SLC30A6: variants seen among roughly 807,000 people sequenced by gnomAD.
SLC30A6 encodes the protein zinc transporter 6.
A neutral mutation model predicts 63.0 loss-of-function variants in SLC30A6; 55 were observed. The observed-to-expected ratio is 0.87, with a 90% confidence interval of 0.70 to 1.09. The LOEUF is 1.09. SLC30A6 is among the 50% of genes least tolerant of loss of function. The pLI is 0.00. For missense variants in SLC30A6, 587 were observed against 549.2 expected, an observed-to-expected ratio of 1.07 and a Z score of -0.69; for synonymous variants, 224 against 186.1, an observed-to-expected ratio of 1.20 and a Z score of -1.66.
At chr2:32,199,345 T>G (rs993064017) in intron 10 of SLC30A6, among the ~76,000 whole-genome samples, 2 of 152,244 alleles carry the variant, frequency 1.3e-5, no homozygotes, top group Non-Finnish European at 2.9e-5. Flanking sequence ...TCAGTTCGTG[T>G]GGGTATATAC....
chr2:32,220,366 G>C lies in SLC30A6; in HGVS notation c.1039G>C (p.Ala347Pro), dbSNP rs779865499. The C allele has an allele frequency of 6.2e-7, 1 of 1,614,166 alleles. No individual in the cohort carries two copies. Among genetic ancestry groups the C allele is most frequent in the Non-Finnish European group, 8.5e-7 (1 of 1,180,022 alleles). Residue 347 changes from alanine to proline, a missense_variant, in exon 14 of 14, where the codon GCA (alanine) becomes CCA (proline). By Grantham distance (27) the Ala-to-Pro change is conservative. Coordinates refer to ENST00000282587, the MANE Select transcript of SLC30A6 (RefSeq NM_017964.5). ...IRPALLSGPV[A>P]ANVLNFSDHH... ...GCCTGCCTTATTGTCTGGGCCTGTT[G>C]CAGCCAATGTCCTAAACTTTTCAGA... is the stretch of plus-strand genomic sequence containing the variant.
chr2:32,188,850 G>A (rs1220025002), intron 5 of SLC30A6, among the ~76,000 whole-genome samples: 1 of 152,100 alleles, frequency 6.6e-6, no homozygotes, highest in Non-Finnish European at 1.5e-5. Flanking sequence ...TGTCCATTCA[G>A]ACCCTACCAG....
In SLC30A6 at chr2:32,224,238, C is replaced by G; in HGVS notation, c.*3525C>G. 2.3e-6 allele frequency: 1 copy of G among 433,684 alleles called. No individual in the cohort carries two copies. The highest frequency in any genetic ancestry group is 4.1e-6 in the Non-Finnish European group (1 of 245,114). The allele number at this position is 433,684 out of a possible 1,614,324, so 26.9% of individuals were successfully genotyped here. Reference sequence around the variant, plus strand: ...ACTAAGTTAATATGCATTCAGTATACCAGTTGGTGTGACCCAGACCAAAGG... The same window carrying G: ...ACTAAGTTAATATGCATTCAGTATAGCAGTTGGTGTGACCCAGACCAAAGG... On this transcript the variant is annotated 3_prime_UTR_variant, in exon 14 of 14. Coordinates refer to ENST00000282587, the MANE Select transcript of SLC30A6 (RefSeq NM_017964.5).
At chr2:32,186,518 T>C (rs1037717008) in intron 5 of SLC30A6, among the ~76,000 whole-genome samples, 3 of 152,024 alleles carry the variant, frequency 2.0e-5, no homozygotes, top group African/African-American at 7.2e-5. Flanking sequence ...AAACCCCATC[T>C]CTACTAAAAA....
chr2:32,183,043 C>T (rs537418492), intron 4 of SLC30A6, among the ~76,000 whole-genome samples: 30 of 151,752 alleles, frequency 2.0e-4, no homozygotes, highest in African/African-American at 6.1e-4. Flanking sequence ...AAAAATTAGC[C>T]GGGCATGGTG....
chr2:32,190,509 T>G (rs1683233594), intron 5 of SLC30A6, among the ~76,000 whole-genome samples: 1 of 152,084 alleles, frequency 6.6e-6, no homozygotes. Flanking sequence ...GGGTTGGTCC[T>G]TTTGTGTACT....
chr2:32,217,913 G>A (rs1685844447), intron 13 of SLC30A6, among the ~76,000 whole-genome samples: 1 of 151,504 alleles, frequency 6.6e-6, no homozygotes, highest in African/African-American at 2.4e-5. Flanking sequence ...TGCAGCCACT[G>A]CAGCCTCGAC....
chr2:32,178,189 C>T (rs182672495), intron 4 of SLC30A6, among the ~76,000 whole-genome samples: 95 of 151,832 alleles, frequency 6.3e-4, no homozygotes, highest in Middle Eastern at 3.4e-3. Flanking sequence ...CCTTGTGATC[C>T]GCCCGCCTCG....
At position 32,202,533 on chromosome 2, in the gene SLC30A6, G is replaced by A. The variant is rs550619306; in HGVS notation, c.666-2057G>A. 1.6e-4 allele frequency: 50 copies of A among 317,430 alleles called. No homozygotes were observed. In the Middle Eastern group the frequency reaches 2.6e-3, roughly 16 times the overall value. The allele number at this position is 317,430 out of a possible 1,614,324, so 19.7% of individuals were successfully genotyped here. A position where few individuals can be genotyped will look rare whatever the true frequency, so the allele number is the denominator to read the frequency against. On this transcript the variant is annotated intron_variant, in intron 10 of 13. Transcript: ENST00000282587. ...TTTTTAGTAGAGACGGGATTTCACC[G>A]TGTTAGCCAGGATGGTCTCAATCTC... is the stretch of plus-strand genomic sequence containing the variant.
At chr2:32,216,327 G>A (rs1257756556) in intron 13 of SLC30A6, among the ~76,000 whole-genome samples, 1 of 152,102 alleles carries the variant, frequency 6.6e-6, no homozygotes, top group Non-Finnish European at 1.5e-5. Context: ...CCTGAGGTCA[G>A]GAGTTCAAGA....
chr2:32,199,967 T>C (rs1014256067), intron 10 of SLC30A6, among the ~76,000 whole-genome samples: 1 of 151,840 alleles, frequency 6.6e-6, no homozygotes, highest in Non-Finnish European at 1.5e-5. Flanking sequence ...ATACAAAAAT[T>C]AGCTGGGCGT....
intron 13 of SLC30A6, among the ~76,000 whole-genome samples, chr2:32,213,796 CTT>C (rs767073182): frequency 1.9e-5 from 2 of 106,774 alleles, no homozygotes; most frequent in Admixed American, 1.2e-4. Flanking sequence ...CTAGGATAAA[CTT>C]TTTTTTTTTT....
chr2:32,167,574 T>A (rs892564798), intron 1 of SLC30A6, among the ~76,000 whole-genome samples: 1 of 152,112 alleles, frequency 6.6e-6, no homozygotes, highest in Non-Finnish European at 1.5e-5. Context: ...TCCTTAATTA[T>A]TTTTCATGAA....
intron 4 of SLC30A6, 70 bp downstream of exon 4, chr2:32,175,431 C>G (rs951845665): frequency 7.4e-7 from 1 of 1,346,332 alleles, no homozygotes; most frequent in Non-Finnish European, 1.0e-6. Flanking sequence ...TATAGCCATA[C>G]AATTCAGCAA....
At chr2:32,199,939 A>G (rs1179456304) in intron 10 of SLC30A6, among the ~76,000 whole-genome samples, 1 of 151,970 alleles carries the variant, frequency 6.6e-6, no homozygotes, top group East Asian at 1.9e-4. Context: ...ACATGGCAAA[A>G]CCCCGTCTCT....
intron 13 of SLC30A6, among the ~76,000 whole-genome samples, chr2:32,212,073 T>G (rs1685302179): frequency 6.6e-6 from 1 of 152,214 alleles, no homozygotes; most frequent in Non-Finnish European, 1.5e-5. Context: ...TTGCCTTTCT[T>G]ACTGTTATTT....
At chr2:32,204,036 A>C in intron 10 of SLC30A6, 1 of 629,760 alleles carries the variant, frequency 1.6e-6, no homozygotes. Flanking sequence ...GAGGTTGCCT[A>C]TTTCTGCCTA....
At chr2:32,213,796 C>CTTTTTTTTTT (rs767073182) in intron 13 of SLC30A6, among the ~76,000 whole-genome samples, 8 of 106,778 alleles carry the variant, frequency 7.5e-5, no homozygotes, top group African/African-American at 7.9e-5. Flanking sequence ...CTAGGATAAA[C>CTTTTTTTTTT]TTTTTTTTTT....
At position 32,220,532 on chromosome 2, in the gene SLC30A6, T is replaced by C. The variant is rs765712680; in HGVS notation, c.1205T>C (p.Leu402Pro). ...PGKNVNPVIL[L>P]NTQTRPYGFG... ...AAAAATGTGAACCCAGTTATTCTTC[T>C]AAACACACAAACAAGGCCTTATGGT... The change falls in exon 14 of 14, where the codon CTA becomes CCA. Residue 402 changes from leucine (L) to proline (P), a missense_variant. Leu to Pro is a moderately conservative substitution (Grantham distance 98, BLOSUM62 -3). Transcript: ENST00000282587. 1 of 1,614,224 alleles carries C rather than the reference T, an allele frequency of 6.2e-7. No individual in the cohort carries two copies. Among genetic ancestry groups the C allele is most frequent in the South Asian group, 1.1e-5 (1 of 91,090 alleles).
Sources: allele counts gnomAD v4.1 joint callset (sites outside exome capture counted in the v4.1 genomes callset), GRCh38; gene constraint gnomAD v4.1.1; transcripts MANE v1.5; gene names NCBI Gene and HGNC (gene_info 2026-07-23, HGNC 2026-07-21).